Variants in FBXO31 observed in about 807,000 individuals in gnomAD.
FBXO31 encodes F-box protein 31.
A neutral mutation model predicts 54.4 loss-of-function variants in FBXO31; 24 were observed. The observed-to-expected ratio is 0.44, with a 90% CI of 0.32 to 0.62. FBXO31 has a LOEUF of 0.62. Ranked by LOEUF, FBXO31 falls within the 20% of genes least tolerant of loss-of-function variation. The pLI is 0.05. For synonymous variants in FBXO31, 388 were observed against 335.6 expected (o/e 1.16, Z -1.71); for missense variants, 665 against 787.1 (o/e 0.84, Z 1.86).
chr16:87,375,968 T>C (rs1906807305), intron 1 of FBXO31, among the ~76,000 whole-genome samples: 1 of 152,164 alleles, frequency 6.6e-6, no homozygotes, highest in African/African-American at 2.4e-5. Context: ...GAGGCCACAG[T>C]AGTATAAAAA....
At chr16:87,337,761 T>C (rs1327198335) in intron 5 of FBXO31, among the ~76,000 whole-genome samples, 1 of 151,840 alleles carries the variant, frequency 6.6e-6, no homozygotes, top group Non-Finnish European at 1.5e-5. Flanking sequence ...CACAAGATCA[T>C]TCAAGATGGG....
At chr16:87,354,811 T>C (rs1013542287) in intron 2 of FBXO31, among the ~76,000 whole-genome samples, 16 of 151,700 alleles carry the variant, frequency 1.1e-4, no homozygotes, top group African/African-American at 3.4e-4. Flanking sequence ...CTACTAAAAA[T>C]ACAAAAAGTA....
intron 2 of FBXO31, among the ~76,000 whole-genome samples, chr16:87,348,491 C>G (rs1157747370): frequency 5.9e-5 from 9 of 152,168 alleles, no homozygotes; most frequent in Admixed American, 5.2e-4. Flanking sequence ...AATGGTAGAG[C>G]TTGAGGGTAG....
chr16:87,376,579 T>C (rs923610813), intron 1 of FBXO31, among the ~76,000 whole-genome samples: 1 of 152,086 alleles, frequency 6.6e-6, no homozygotes, highest in South Asian at 2.1e-4. Context: ...CTGGCCCCAT[T>C]ATTAAATGGC....
upstream of FBXO31, among the ~76,000 whole-genome samples, chr16:87,384,804 G>T (rs1907268393): frequency 2.0e-5 from 3 of 151,990 alleles, no homozygotes; most frequent in African/African-American, 4.8e-5. Context: ...AGGCTGTAGT[G>T]ACCCGTGATG....
At chr16:87,360,766 G>A (rs1044087199) in intron 1 of FBXO31, among the ~76,000 whole-genome samples, 1 of 152,192 alleles carries the variant, frequency 6.6e-6, no homozygotes, top group East Asian at 1.9e-4. Flanking sequence ...CAGTGCCAGA[G>A]GCCAGTCCAC....
In FBXO31 at chr16:87,330,378, CCACT is replaced by C. The variant is rs1314418718; in HGVS notation, c.*906_*909del. 1 of 152,300 alleles carries C rather than the reference CCACT, an allele frequency of 6.6e-6. No homozygotes were observed. The highest frequency in any genetic ancestry group is 2.4e-5 in the African/African-American group (1 of 41,464). 9.4% of individuals were successfully genotyped at this position (152,300 alleles called of 1,614,324 possible). A position where few individuals can be genotyped will look rare whatever the true frequency, so the allele number is the denominator to read the frequency against. The stretch of plus-strand genomic sequence containing the variant: ...TGGGCACTCCTGGCACCTGTGTGGA[CCACT>C]CACTGCTTCAGACACACGGGCCTGG... On this transcript the variant is annotated 3_prime_UTR_variant, in exon 9 of 9. Transcript: ENST00000311635.
chr16:87,363,015 G>A (rs1224273050), intron 1 of FBXO31, among the ~76,000 whole-genome samples: 4 of 152,204 alleles, frequency 2.6e-5, no homozygotes, highest in African/African-American at 9.7e-5. Flanking sequence ...AGCAGCCCAA[G>A]GGCCGCTCTG....
chr16:87,369,373 A>T (rs202097406), intron 1 of FBXO31, among the ~76,000 whole-genome samples: 1 of 151,864 alleles, frequency 6.6e-6, no homozygotes, highest in Non-Finnish European at 1.5e-5. Flanking sequence ...GGCACCCACC[A>T]TTCTGCCTTC....
intron 1 of FBXO31, among the ~76,000 whole-genome samples, chr16:87,381,858 T>C (rs1051429158): frequency 6.6e-6 from 1 of 152,046 alleles, no homozygotes; most frequent in Non-Finnish European, 1.5e-5. Flanking sequence ...CCCCCGTCTC[T>C]ACTAAAAATA....
chr16:87,353,502 T>G (rs80349723), intron 2 of FBXO31, among the ~76,000 whole-genome samples: 1 of 152,254 alleles, frequency 6.6e-6, no homozygotes, highest in South Asian at 2.1e-4. Flanking sequence ...ATCCACTGAC[T>G]GTTGTCCTTC....
upstream of FBXO31, among the ~76,000 whole-genome samples, chr16:87,384,739 C>G (rs1361511490): frequency 6.6e-6 from 1 of 152,236 alleles, no homozygotes; most frequent in Admixed American, 6.5e-5. Flanking sequence ...GTCTACAAAA[C>G]AAAATTTTAG....
chr16:87,340,826 G>A lies in FBXO31; in HGVS notation c.732+2051C>T, dbSNP rs1238876555. On this transcript the variant is annotated intron_variant, in intron 5 of 8. Transcript: ENST00000311635. Reference sequence around the variant, plus strand: ...TAACATTAAAAATAAAAAATTCCATGGATGGAAAACACACCATAAGAGAAA... The same window carrying A: ...TAACATTAAAAATAAAAAATTCCATAGATGGAAAACACACCATAAGAGAAA... 2.6e-5 allele frequency among the ~76,000 whole-genome samples: 4 copies of A among 152,082 alleles called. No individual in the cohort carries two copies. The East Asian group carries it at 7.7e-4, about 29-fold the overall frequency.
chr16:87,335,016 C>T lies in FBXO31; in HGVS notation c.996+288G>A, dbSNP rs926751212. On this transcript the variant is annotated intron_variant, in intron 7 of 8. Coordinates refer to ENST00000311635, the MANE Select transcript of FBXO31 (RefSeq NM_024735.5). The surrounding 1 kb of genome is among the most constrained non-coding windows in gnomAD (Gnocchi z 5.7). ...TGTGTGGGGTCTGCTGTCCAGACTT[C>T]CTAAACCCCACAGGGCTGCCAGGGT... 2.0e-5 allele frequency among the ~76,000 whole-genome samples: 3 copies of T among 152,224 alleles called. No homozygotes were observed. The highest frequency in any genetic ancestry group is 4.4e-5 in the Non-Finnish European group (3 of 68,026).
At chr16:87,355,293 C>T (rs1431099226) in intron 2 of FBXO31, among the ~76,000 whole-genome samples, 13 of 152,364 alleles carry the variant, frequency 8.5e-5, no homozygotes, top group African/African-American at 2.9e-4. Context: ...ACACAAGCCA[C>T]GCACGGCCCC....
intron 5 of FBXO31, among the ~76,000 whole-genome samples, chr16:87,342,212 A>G (rs1905216867): frequency 1.3e-5 from 2 of 151,914 alleles, no homozygotes; most frequent in Non-Finnish European, 1.5e-5. Context: ...ATGCCACCAT[A>G]CCCAGCTAAT....
chr16:87,361,022 C>A (rs1298424114), intron 1 of FBXO31, among the ~76,000 whole-genome samples: 3 of 152,228 alleles, frequency 2.0e-5, no homozygotes, highest in African/African-American at 7.2e-5. Flanking sequence ...ATCACCAACA[C>A]CCAGCACGTC....
chr16:87,336,017 G>A lies in FBXO31; in HGVS notation c.842+138C>T. 1 of 645,808 alleles carries A rather than the reference G, an allele frequency of 1.5e-6. No individual in the cohort carries two copies. The highest frequency in any genetic ancestry group is 2.0e-5 in the South Asian group (1 of 51,156). 40.0% of individuals were successfully genotyped at this position (645,808 alleles called of 1,614,324 possible). ...CAGAGAGAGAGGGGCTGTACTCCCAGCCCCCAGCAGGAGAGAGGGCTGAAC... is the reference window on the plus strand; with the variant it reads ...CAGAGAGAGAGGGGCTGTACTCCCAACCCCCAGCAGGAGAGAGGGCTGAAC... On this transcript the variant is annotated intron_variant, in intron 6 of 8. Coordinates refer to ENST00000311635, the MANE Select transcript of FBXO31 (RefSeq NM_024735.5). This position sits in a 1 kb window ranked among gnomAD's most constrained non-coding sequence, Gnocchi z 6.5.
intron 2 of FBXO31, among the ~76,000 whole-genome samples, chr16:87,354,210 C>T (rs991536488): frequency 2.0e-5 from 3 of 152,226 alleles, no homozygotes; most frequent in South Asian, 2.1e-4. Flanking sequence ...CGGTGGCTCA[C>T]GCCTGTAATC....
Sources: allele counts gnomAD v4.1 joint callset (sites outside exome capture counted in the v4.1 genomes callset), GRCh38; gene constraint gnomAD v4.1.1; non-coding constraint Gnocchi (gnomAD v3.1); transcripts MANE v1.5; gene names NCBI Gene and HGNC (gene_info 2026-07-23, HGNC 2026-07-21).